The following ZNF420 variants were observed in gnomAD, a reference collection of about 807,000 sequenced individuals.
The protein encoded by ZNF420 is zinc finger protein 420.
In ZNF420, 31 loss-of-function variants were observed where a neutral mutation model predicts 44.7. That is an observed-to-expected ratio of 0.69 (90% CI 0.52 to 0.94). The LOEUF is 0.94. Ranked by LOEUF, ZNF420 falls within the 40% of genes least tolerant of loss-of-function variation. ZNF420 has a pLI of 0.00. For missense variants in ZNF420, 681 were observed against 827.9 expected (o/e 0.82, Z 2.18); for synonymous variants, 245 against 267.4 (o/e 0.92, Z 0.82).
intron 1 of ZNF420, among the ~76,000 whole-genome samples, chr19:37,017,988 C>CA (rs946115658): frequency 1.1e-4 from 17 of 151,188 alleles, no homozygotes; most frequent in African/African-American, 2.4e-4. Context: ...AACACACAGA[C>CA]AAAAAAAAGT....
intron 1 of ZNF420, among the ~76,000 whole-genome samples, chr19:37,020,666 T>C (rs1419435668): frequency 6.6e-6 from 1 of 152,236 alleles, no homozygotes; most frequent in Non-Finnish European, 1.5e-5. Flanking sequence ...AGTCAATAGA[T>C]ACATAAGTAA....
chr19:37,081,378 G>A (rs1395421419), intron 2 of ZNF420, among the ~76,000 whole-genome samples: 2 of 152,050 alleles, frequency 1.3e-5, no homozygotes, highest in Non-Finnish European at 2.9e-5. Context: ...GTTGTTGGGT[G>A]GAGTGTTCTA....
chr19:37,035,131 T>C (rs1967329941), intron 1 of ZNF420, among the ~76,000 whole-genome samples: 1 of 152,126 alleles, frequency 6.6e-6, no homozygotes, highest in African/African-American at 2.4e-5. Flanking sequence ...AGCTGAATAT[T>C]AGCTGTGTAA....
chr19:37,067,750 G>A (rs890045968), intron 1 of ZNF420, among the ~76,000 whole-genome samples: 4 of 152,086 alleles, frequency 2.6e-5, no homozygotes, highest in Non-Finnish European at 4.4e-5. Flanking sequence ...GGAGAGGTAA[G>A]CAAAGAAAGC....
intron 1 of ZNF420, among the ~76,000 whole-genome samples, chr19:37,027,536 G>A (rs79170525): frequency 0.044 from 6,655 of 152,256 alleles, 204 homozygotes; most frequent in South Asian, 0.084. Flanking sequence ...ACAGAGAAAA[G>A]TTTCATTGCC....
intron 1 of ZNF420, among the ~76,000 whole-genome samples, chr19:37,028,696 T>C (rs913864513): frequency 3.3e-5 from 5 of 152,172 alleles, no homozygotes; most frequent in Non-Finnish European, 7.3e-5. Flanking sequence ...ATATATATCA[T>C]GTGTGTGTTT....
intron 1 of ZNF420, among the ~76,000 whole-genome samples, chr19:37,020,550 G>A (rs75790260): frequency 0.02 from 3,051 of 152,236 alleles, 33 homozygotes; most frequent in Non-Finnish European, 0.032. Context: ...TGTCTTTGAC[G>A]GTCAAGCTGC....
intron 2 of ZNF420, among the ~76,000 whole-genome samples, chr19:37,084,018 G>A (rs529021359): frequency 2.2e-4 from 33 of 151,956 alleles, no homozygotes; most frequent in Non-Finnish European, 3.7e-4. Context: ...ATCTTAATTC[G>A]TAATGATTAA....
intron 1 of ZNF420, among the ~76,000 whole-genome samples, chr19:37,050,033 C>T (rs1252756879): frequency 2.0e-5 from 3 of 151,978 alleles, no homozygotes; most frequent in African/African-American, 7.3e-5. Flanking sequence ...TGTAGATATG[C>T]GGCATTATTT....
At chr19:37,032,916 C>T (rs1223193679) in intron 1 of ZNF420, among the ~76,000 whole-genome samples, 2 of 152,006 alleles carry the variant, frequency 1.3e-5, no homozygotes, top group Non-Finnish European at 2.9e-5. Flanking sequence ...CAGGTGTGGT[C>T]GGCAAGTTGT....
At chr19:37,120,548 C>T (rs1970971223) in intron 4 of ZNF420, among the ~76,000 whole-genome samples, 1 of 152,166 alleles carries the variant, frequency 6.6e-6, no homozygotes, top group Non-Finnish European at 1.5e-5. Context: ...GAAGCACTCA[C>T]TTTGAAAACT....
intron 4 of ZNF420, among the ~76,000 whole-genome samples, chr19:37,100,086 A>T (rs971186375): frequency 1.3e-5 from 2 of 152,202 alleles, no homozygotes; most frequent in African/African-American, 2.4e-5. Flanking sequence ...TACTGGTTTC[A>T]TAGTTTCCAG....
chr19:37,123,461 C>T (rs1971165555), intron 4 of ZNF420, among the ~76,000 whole-genome samples: 1 of 152,102 alleles, frequency 6.6e-6, no homozygotes, highest in Admixed American at 6.6e-5. Context: ...TTTCAGAACA[C>T]TAAGATACAA....
At chr19:37,087,486 C>T (rs543249638) in intron 2 of ZNF420, among the ~76,000 whole-genome samples, 1 of 151,982 alleles carries the variant, frequency 6.6e-6, no homozygotes, top group Non-Finnish European at 1.5e-5. Flanking sequence ...TTGCAGAAAT[C>T]TATATGTTGA....
chr19:37,012,406 G>C (rs2074576873), intron 1 of ZNF420, among the ~76,000 whole-genome samples: 1 of 152,190 alleles, frequency 6.6e-6, no homozygotes, highest in Non-Finnish European at 1.5e-5. Flanking sequence ...CTGAGGCTTG[G>C]CAAAGCAGGA....
At chr19:37,016,046 A>G (rs1365123221) in intron 1 of ZNF420, among the ~76,000 whole-genome samples, 3 of 152,084 alleles carry the variant, frequency 2.0e-5, no homozygotes, top group African/African-American at 7.2e-5. Flanking sequence ...CAACACCCAC[A>G]TTTCCTAATG....
Position 37,129,223 on chromosome 19 carries a change from C to T in ZNF420, c.*165C>T. On this transcript the variant is annotated 3_prime_UTR_variant, in exon 5 of 5. Coordinates refer to ENST00000337995, the MANE Select transcript of ZNF420 (RefSeq NM_144689.5). ...TCATTCATATAGAAAAACATCATTA[C>T]TGGAAACCTATTAAACATTAGCAAA... 1 of 840,156 alleles carries T rather than the reference C, an allele frequency of 1.2e-6. No homozygotes were observed. The highest frequency in any genetic ancestry group is 1.8e-6 in the Non-Finnish European group (1 of 550,014). 52.0% of individuals were successfully genotyped at this position (840,156 alleles called of 1,614,324 possible).
At chr19:37,096,342 CT>C (rs1969454581) in intron 4 of ZNF420, among the ~76,000 whole-genome samples, 1 of 151,996 alleles carries the variant, frequency 6.6e-6, no homozygotes, top group African/African-American at 2.4e-5. Context: ...TCTAATTTTG[CT>C]GTTTCTTGTA....
chr19:37,041,938 C>A (rs895682763), intron 1 of ZNF420, among the ~76,000 whole-genome samples: 1 of 152,122 alleles, frequency 6.6e-6, no homozygotes, highest in African/African-American at 2.4e-5. Flanking sequence ...GATCACTTTT[C>A]CAGGTAACTC....
Sources: allele counts gnomAD v4.1 joint callset (sites outside exome capture counted in the v4.1 genomes callset), GRCh38; gene constraint gnomAD v4.1.1; transcripts MANE v1.5; gene names NCBI Gene and HGNC (gene_info 2026-07-23, HGNC 2026-07-21).